Variants in TRAPPC8 observed in about 807,000 individuals in gnomAD.
TRAPPC8 encodes trafficking protein particle complex subunit 8, also known as general sporulation gene 1 homolog.
In TRAPPC8, 54 loss-of-function variants were observed where a neutral mutation model predicts 174.3. That is an observed-to-expected ratio of 0.31 (90% CI 0.25 to 0.39). The LOEUF (loss-of-function observed/expected upper bound fraction) is 0.39, where lower values mean the gene tolerates loss of function less well. Among genes scored for constraint, TRAPPC8 ranks in the 10% least tolerant of loss-of-function variants. The pLI, the probability that TRAPPC8 is intolerant of heterozygous loss-of-function variation, is 1.00. For missense variants in TRAPPC8, 1,531 were observed against 1,699.1 expected, an observed-to-expected ratio of 0.90 and a Z score of 1.74; for synonymous variants, 630 against 579.9, an observed-to-expected ratio of 1.09 and a Z score of -1.24.
rs568619985 is a variant in TRAPPC8 at position 31,911,836 on chromosome 18, G to GAC, written c.771+1531_771+1532dup. Among the ~76,000 whole-genome samples the GAC allele has an allele frequency of 5.2e-5, 7 of 134,272 alleles. No homozygotes were observed. The South Asian group carries it at 1.4e-3, about 27-fold the overall frequency. 88.1% of individuals were successfully genotyped at this position (134,272 alleles called of 152,430 possible). On this transcript the variant is annotated intron_variant, in intron 5 of 28. Transcript: ENST00000283351. ...CACCTGTAATCCCAGCACTTTGGGA[G>GAC]ACCAAGGCCTGGGCGACAGAGCGAG...
intron 2 of TRAPPC8, among the ~76,000 whole-genome samples, chr18:31,922,446 G>A (rs1330789347): frequency 1.3e-5 from 2 of 151,284 alleles, no homozygotes; most frequent in East Asian, 3.9e-4. Context: ...ACAAAAATTA[G>A]TCGGGAGTGG....
intron 2 of TRAPPC8, among the ~76,000 whole-genome samples, chr18:31,928,023 G>A (rs2037691769): frequency 6.6e-6 from 1 of 151,858 alleles, no homozygotes; most frequent in Non-Finnish European, 1.5e-5. Context: ...GGGTGTGGTG[G>A]TGCACACCTG....
At chr18:31,849,808 C>T (rs761048039) in intron 24 of TRAPPC8, 69 bp from the exon 25 acceptor site, 2 of 1,420,654 alleles carry the variant, frequency 1.4e-6, no homozygotes, top group Non-Finnish European at 1.9e-6. Context: ...TTTTGTATAA[C>T]TCAGTTTTAA....
At chr18:31,873,149 A>ACATGC (rs2034968449) in intron 14 of TRAPPC8, among the ~76,000 whole-genome samples, 2 of 149,428 alleles carry the variant, frequency 1.3e-5, no homozygotes, top group Non-Finnish European at 3.0e-5. Flanking sequence ...TCTTGAGTTG[A>ACATGC]TGGGACTACA....
intron 27 of TRAPPC8, among the ~76,000 whole-genome samples, chr18:31,838,192 G>T (rs2032876942): frequency 6.6e-6 from 1 of 151,996 alleles, no homozygotes; most frequent in Non-Finnish European, 1.5e-5. Flanking sequence ...TCTTAATTTT[G>T]CCCAGTACTC....
intron 27 of TRAPPC8, among the ~76,000 whole-genome samples, chr18:31,836,819 T>C (rs1263301951): frequency 6.9e-6 from 1 of 145,898 alleles, no homozygotes; most frequent in East Asian, 2.1e-4. Context: ...TGGACTGCAG[T>C]GGCACGATCT....
intron 12 of TRAPPC8, among the ~76,000 whole-genome samples, chr18:31,881,728 C>T (rs1013331529): frequency 1.3e-5 from 2 of 151,976 alleles, no homozygotes; most frequent in Admixed American, 1.3e-4. Context: ...TGAGAAAATA[C>T]TTGCAAACTA....
chr18:31,886,770 C>T (rs2035739116), intron 12 of TRAPPC8, among the ~76,000 whole-genome samples: 1 of 152,132 alleles, frequency 6.6e-6, no homozygotes, highest in South Asian at 2.1e-4. Context: ...ATCACGAGGT[C>T]AGGAGTTTGA....
intron 8 of TRAPPC8, among the ~76,000 whole-genome samples, chr18:31,907,913 T>C (rs2036734133): frequency 6.6e-6 from 1 of 152,214 alleles, no homozygotes; most frequent in Admixed American, 6.5e-5. Flanking sequence ...AGGAGAAAGA[T>C]TAAAATCCAA....
chr18:31,882,648 G>A (rs1235056778), intron 12 of TRAPPC8, among the ~76,000 whole-genome samples: 5 of 151,766 alleles, frequency 3.3e-5, no homozygotes, highest in South Asian at 2.1e-4. Flanking sequence ...ACAGAGTCTC[G>A]CTCTGTCGCT....
rs1483673599 is a variant in TRAPPC8 at position 31,864,755 on chromosome 18, G to A, written c.2617C>T (p.Arg873Ter). 2 of 1,607,894 alleles carry A rather than the reference G, an allele frequency of 1.2e-6. No individual in the cohort carries two copies. The highest frequency in any genetic ancestry group is 8.5e-7 in the Non-Finnish European group (1 of 1,177,290). The change falls in exon 19 of 29, where the codon CGA becomes TGA. Residue 873 changes from arginine (R) to a stop codon, truncating the protein, a stop_gained. Coordinates refer to ENST00000283351, the MANE Select transcript of TRAPPC8 (RefSeq NM_014939.5). LOFTEE classifies it high-confidence loss of function. ...TGKYSLSMSV[R>*]GKQDLEIQGP... Reference sequence around the variant, plus strand: ...TGAATTTCTAAATCCTGCTTCCCTCGGACTGACATACTCAAGGAATATTTT... The same window carrying A: ...TGAATTTCTAAATCCTGCTTCCCTCAGACTGACATACTCAAGGAATATTTT...
intron 10 of TRAPPC8, 67 bp downstream of exon 10, chr18:31,900,856 GGA>G: frequency 2.0e-5 from 24 of 1,180,686 alleles, no homozygotes; most frequent in Non-Finnish European, 2.7e-5. Context: ...TTAGGAATGG[GGA>G]AAAAAAAAAA....
Position 31,942,824 on chromosome 18 carries a change from C to A in TRAPPC8, c.-60G>T. ...CGGCCCACCCTGCGAGGTTATCCTG[C>A]GGCTGCAGCAGCTACCGCCGCCGCC... On this transcript the variant is annotated 5_prime_UTR_variant, in exon 1 of 29. Coordinates refer to ENST00000283351, the MANE Select transcript of TRAPPC8 (RefSeq NM_014939.5). The A allele has an allele frequency of 3.1e-6, 4 of 1,279,010 alleles. No individual in the cohort carries two copies. The highest frequency in any genetic ancestry group is 4.0e-6 in the Non-Finnish European group (4 of 1,009,136). 79.2% of individuals were successfully genotyped at this position (1,279,010 alleles called of 1,614,324 possible).
At chr18:31,919,541 T>A (rs1321998890) in intron 2 of TRAPPC8, among the ~76,000 whole-genome samples, 2 of 63,908 alleles carry the variant, frequency 3.1e-5, no homozygotes, top group Non-Finnish European at 6.1e-5. Context: ...TCAAAATAAA[T>A]AAATAAATAA....
chr18:31,888,105 C>G (rs1280189879), intron 12 of TRAPPC8, among the ~76,000 whole-genome samples: 1 of 152,068 alleles, frequency 6.6e-6, no homozygotes, highest in African/African-American at 2.4e-5. Context: ...CATGAACAGA[C>G]ACTTCTCAAA....
intron 2 of TRAPPC8, among the ~76,000 whole-genome samples, chr18:31,928,951 C>T (rs749946902): frequency 6.6e-6 from 1 of 151,926 alleles, no homozygotes; most frequent in Non-Finnish European, 1.5e-5. Context: ...GAGGCTGAGG[C>T]AGGTGGATCA....
chr18:31,927,949 G>A (rs2037688457), intron 2 of TRAPPC8, among the ~76,000 whole-genome samples: 1 of 151,966 alleles, frequency 6.6e-6, no homozygotes, highest in South Asian at 2.1e-4. Flanking sequence ...GAGGTCAGGA[G>A]TTTTAGACAA....
chr18:31,844,488 T>C (rs922420989), intron 26 of TRAPPC8: 2 of 152,070 alleles, frequency 1.3e-5, no homozygotes, highest in African/African-American at 4.8e-5. Context: ...TGTACTTATG[T>C]TACACTTCAG....
chr18:31,874,575 C>T lies in TRAPPC8; in HGVS notation c.1858G>A (p.Ala620Thr), dbSNP rs2145223059. The change falls in exon 13 of 29, where the codon GCT becomes ACT. Residue 620 changes from alanine to threonine, a missense_variant. By Grantham distance (58) the Ala-to-Thr change is moderately conservative. Transcript: ENST00000283351. ...AGAATATGCCTAAAAGCAGACACAG[C>T]ATTATCCAGCTGTCTAAGAGTATAG... ...QSYTLRQLDNAVSAFRHILIN... is the reference protein window; with the variant it reads ...QSYTLRQLDNTVSAFRHILIN... The T allele has an allele frequency of 6.2e-7, 1 of 1,614,114 alleles. No individual in the cohort carries two copies. The highest frequency in any genetic ancestry group is 1.1e-5 in the South Asian group (1 of 91,074).
Sources: allele counts gnomAD v4.1 joint callset (sites outside exome capture counted in the v4.1 genomes callset), GRCh38; gene constraint gnomAD v4.1.1; transcripts MANE v1.5; gene names NCBI Gene and HGNC (gene_info 2026-07-23, HGNC 2026-07-21).